The following FRAS1 variants were observed in gnomAD, a reference collection of about 807,000 sequenced individuals.
FRAS1 encodes Fraser extracellular matrix complex subunit 1.
Under a neutral mutation model 435.2 loss-of-function variants are expected in FRAS1, and 290 were observed. That is an observed-to-expected ratio of 0.67 (90% CI 0.61 to 0.73). The LOEUF is 0.73. Ranked by LOEUF, FRAS1 falls within the 30% of genes least tolerant of loss-of-function variation. The pLI is 0.00. For missense variants in FRAS1, 4,860 were observed against 5,001.5 expected, an observed-to-expected ratio of 0.97 and a Z score of 0.85; for synonymous variants, 1,800 against 1,851.0, an observed-to-expected ratio of 0.97 and a Z score of 0.71.
At chr4:78,234,903 G>C (rs1454854336) in intron 2 of FRAS1, among the ~76,000 whole-genome samples, 1 of 152,162 alleles carries the variant, frequency 6.6e-6, no homozygotes, top group East Asian at 1.9e-4. Flanking sequence ...GTTCTCCAGA[G>C]AATCAACAAT....
At chr4:78,304,230 T>G (rs1240444458) in intron 14 of FRAS1, among the ~76,000 whole-genome samples, 2 of 152,062 alleles carry the variant, frequency 1.3e-5, no homozygotes, top group Admixed American at 1.3e-4. Context: ...TGGATAACCT[T>G]TTTGATGTGC....
chr4:78,129,038 C>A (rs1031598059), intron 2 of FRAS1, among the ~76,000 whole-genome samples: 1 of 152,188 alleles, frequency 6.6e-6, no homozygotes, highest in African/African-American at 2.4e-5. Context: ...TTGTTTTTCT[C>A]AGGTTTGTCA....
chr4:78,431,905 C>CA (rs1216819379), intron 37 of FRAS1, among the ~76,000 whole-genome samples: 2 of 151,876 alleles, frequency 1.3e-5, no homozygotes, highest in Non-Finnish European at 2.9e-5. Context: ...CCAAATAAAG[C>CA]AAAAACTTCT....
At chr4:78,259,403 C>T (rs1725965269) in intron 6 of FRAS1, among the ~76,000 whole-genome samples, 1 of 146,498 alleles carries the variant, frequency 6.8e-6, no homozygotes, top group Admixed American at 6.9e-5. Flanking sequence ...GCCATTCTGA[C>T]TGGTGTGAGA....
At chr4:78,330,837 C>A (rs958928794) in intron 18 of FRAS1, among the ~76,000 whole-genome samples, 9 of 152,238 alleles carry the variant, frequency 5.9e-5, no homozygotes, top group Non-Finnish European at 2.9e-5. Context: ...TGACCTCGCC[C>A]TGCCTCCACT....
chr4:78,142,876 T>G (rs1052331712), intron 2 of FRAS1, among the ~76,000 whole-genome samples: 4 of 151,844 alleles, frequency 2.6e-5, no homozygotes, highest in Admixed American at 6.6e-5. Flanking sequence ...TTAAGGAATG[T>G]GCAACTAACA....
intron 65 of FRAS1, among the ~76,000 whole-genome samples, chr4:78,514,304 C>T (rs1330951262): frequency 6.6e-6 from 1 of 152,240 alleles, no homozygotes; most frequent in African/African-American, 2.4e-5. Context: ...TGAGGCAGCG[C>T]ATCTCTGTGT....
intron 32 of FRAS1, among the ~76,000 whole-genome samples, chr4:78,416,836 C>T (rs1733574360): frequency 6.6e-6 from 1 of 151,996 alleles, no homozygotes; most frequent in Admixed American, 6.6e-5. Context: ...GGCAAGAGAG[C>T]AATTGGGAGG....
intron 2 of FRAS1, among the ~76,000 whole-genome samples, chr4:78,082,149 G>A (rs950000065): frequency 2.0e-5 from 3 of 152,090 alleles, no homozygotes; most frequent in Admixed American, 6.6e-5. Flanking sequence ...CCTCTCTAAT[G>A]TTTCCAATAG....
intron 19 of FRAS1, among the ~76,000 whole-genome samples, chr4:78,337,403 G>A (rs914928638): frequency 6.6e-6 from 1 of 152,198 alleles, no homozygotes; most frequent in Non-Finnish European, 1.5e-5. Context: ...AGATGGAGAT[G>A]ATCATGCTGG....
chr4:78,231,262 A>G (rs914838951), intron 2 of FRAS1, among the ~76,000 whole-genome samples: 5 of 151,602 alleles, frequency 3.3e-5, no homozygotes, highest in Admixed American at 2.0e-4. Flanking sequence ...GGCACCTTAT[A>G]TTTTAAAAGT....
chr4:78,495,816 CA>C (rs1720493852), intron 59 of FRAS1, among the ~76,000 whole-genome samples: 1 of 152,154 alleles, frequency 6.6e-6, no homozygotes, highest in East Asian at 1.9e-4. Flanking sequence ...CATTCACTAA[CA>C]TTTTTTTTAA....
chr4:78,138,043 C>T lies in FRAS1; in HGVS notation c.108+72027C>T, dbSNP rs76277645. On this transcript the variant is annotated intron_variant, in intron 2 of 73. Transcript: ENST00000512123. ...GTGTGCACTGGTTTAATCTGAGATG[C>T]GAGCTTCCAACTCTGGACTCCCCTA... Among the ~76,000 whole-genome samples, 13 of 152,274 alleles carry T rather than the reference C, an allele frequency of 8.5e-5. No homozygotes were observed. In the East Asian group the frequency reaches 9.6e-4, roughly 11 times the overall value.
intron 32 of FRAS1, among the ~76,000 whole-genome samples, chr4:78,415,182 C>G (rs1399824158): frequency 1.3e-5 from 2 of 152,152 alleles, no homozygotes. Context: ...TGAGTGAGAA[C>G]ATACAATGTT....
intron 2 of FRAS1, among the ~76,000 whole-genome samples, chr4:78,077,178 C>G (rs780272049): frequency 2.7e-4 from 37 of 136,490 alleles, no homozygotes; most frequent in Non-Finnish European, 5.8e-4. Context: ...TAGCAAGATT[C>G]CATCTCCAGA....
At chr4:78,085,117 T>C (rs1183922466) in intron 2 of FRAS1, among the ~76,000 whole-genome samples, 1 of 152,100 alleles carries the variant, frequency 6.6e-6, no homozygotes, top group East Asian at 1.9e-4. Flanking sequence ...TTTTAGAATG[T>C]CTTTTGTCTA....
chr4:78,416,222 A>G (rs1028590536), intron 32 of FRAS1, among the ~76,000 whole-genome samples: 4 of 152,166 alleles, frequency 2.6e-5, no homozygotes, highest in African/African-American at 9.7e-5. Flanking sequence ...TTCTGCTTAT[A>G]TAAGATATAA....
chr4:78,219,940 C>T (rs936927077), intron 2 of FRAS1, among the ~76,000 whole-genome samples: 10 of 152,096 alleles, frequency 6.6e-5, no homozygotes, highest in East Asian at 1.9e-4. Context: ...TCATTCTCAC[C>T]GACAGAGGAG....
chr4:78,379,862 G>A lies in FRAS1; in HGVS notation c.3429G>A (p.Val1143=). The A allele has an allele frequency of 6.2e-7, 1 of 1,613,886 alleles. No individual in the cohort carries two copies. Among genetic ancestry groups the A allele is most frequent in the Non-Finnish European group, 8.5e-7 (1 of 1,179,860 alleles). ...TCGAAGATCTCCTATTTCATGTTGT[G>A]AGCACTCCCACCAATGGTCAGCTAG... The part of the protein sequence containing the change: ...GRVEDLLFHV[V]STPTNGQLVL... Residue 1143 remains valine, a synonymous_variant, in exon 27 of 74, where the codon GTG becomes GTA. Coordinates refer to ENST00000512123, the MANE Select transcript of FRAS1 (RefSeq NM_025074.7).
Sources: allele counts gnomAD v4.1 joint callset (sites outside exome capture counted in the v4.1 genomes callset), GRCh38; gene constraint gnomAD v4.1.1; transcripts MANE v1.5; gene names NCBI Gene and HGNC (gene_info 2026-07-23, HGNC 2026-07-21).